ARID1B: variants seen among roughly 807,000 people sequenced by gnomAD.
ARID1B encodes the protein AT-rich interaction domain 1B, also known as AT-rich interactive domain-containing protein 1B.
In ARID1B, 30 loss-of-function variants were observed where a neutral mutation model predicts 212.3. The ratio of observed to expected loss-of-function variants is 0.14; its 90% confidence interval spans 0.11 to 0.19. The LOEUF is 0.19. Ranked by LOEUF, ARID1B falls within the 10% of genes least tolerant of loss-of-function variation. ARID1B has a pLI of 1.00. For synonymous variants in ARID1B, 1,402 were observed against 1,301.7 expected (o/e 1.08, Z -1.66); for missense variants, 2,891 against 3,204.0 (o/e 0.90, Z 2.36).
At chr6:157,087,628 T>G (rs560741673) in intron 5 of ARID1B, among the ~76,000 whole-genome samples, 2 of 152,328 alleles carry the variant, frequency 1.3e-5, no homozygotes, top group African/African-American at 4.8e-5. Flanking sequence ...TACAGTTGAT[T>G]TAGGCAGCAA....
chr6:156,913,492 C>T (rs965339679), intron 3 of ARID1B, among the ~76,000 whole-genome samples: 3 of 152,146 alleles, frequency 2.0e-5, no homozygotes, highest in Non-Finnish European at 2.9e-5. Flanking sequence ...TCTAGGATTA[C>T]AGGCATGAGC....
chr6:157,069,002 A>G (rs772624372), intron 4 of ARID1B, among the ~76,000 whole-genome samples: 1 of 152,350 alleles, frequency 6.6e-6, no homozygotes, highest in South Asian at 2.1e-4. Context: ...AATTCTGTGC[A>G]GTTCCTAACA....
chr6:157,172,308 A>G (rs1791765495), intron 9 of ARID1B, among the ~76,000 whole-genome samples: 1 of 152,228 alleles, frequency 6.6e-6, no homozygotes, highest in Non-Finnish European at 1.5e-5. Flanking sequence ...GGTTTCACAC[A>G]TTCACAAAAA....
At chr6:156,801,972 C>T (rs1228459560) in intron 1 of ARID1B, among the ~76,000 whole-genome samples, 4 of 152,154 alleles carry the variant, frequency 2.6e-5, no homozygotes, top group African/African-American at 4.8e-5. Context: ...GCAAATGAGG[C>T]GTGAAACAAA....
chr6:156,778,667 C>T lies in ARID1B; in HGVS notation c.987C>T (p.Gly329=), dbSNP rs2114981928. Residue 329 remains glycine (G), a synonymous_variant, in exon 1 of 20, where the codon GGC becomes GGT. Transcript: ENST00000636930. The part of the protein sequence containing the change: ...SAAPASGGPG[G]RAGPCFDQHG... ...CCCCTGCGAGCGGCGGCCCCGGCGGCCGCGCTGGGCCTTGCTTTGATCAAC... is the reference window on the plus strand; with the variant it reads ...CCCCTGCGAGCGGCGGCCCCGGCGGTCGCGCTGGGCCTTGCTTTGATCAAC... 2 of 1,487,254 alleles carry T rather than the reference C, an allele frequency of 1.3e-6. No individual in the cohort carries two copies. Among genetic ancestry groups the T allele is most frequent in the East Asian group, 2.8e-5 (1 of 35,338 alleles). 92.1% of individuals were successfully genotyped at this position (1,487,254 alleles called of 1,614,324 possible).
intron 2 of ARID1B, among the ~76,000 whole-genome samples, chr6:156,874,284 C>T (rs879901622): frequency 6.6e-6 from 1 of 152,152 alleles, no homozygotes; most frequent in Non-Finnish European, 1.5e-5. Context: ...AGGCTGCTGT[C>T]AAACTCCTGG....
At chr6:157,171,396 G>C (rs1791709646) in intron 9 of ARID1B, among the ~76,000 whole-genome samples, 1 of 152,196 alleles carries the variant, frequency 6.6e-6, no homozygotes, top group Non-Finnish European at 1.5e-5. Flanking sequence ...CCTTGTAATA[G>C]TCGTGGTCCT....
chr6:156,880,727 G>A (rs376678384), intron 2 of ARID1B, among the ~76,000 whole-genome samples: 21 of 122,642 alleles, frequency 1.7e-4, no homozygotes, highest in African/African-American at 5.7e-4. Flanking sequence ...GCCACGGAGC[G>A]AGACTCTGTC....
chr6:156,970,861 G>A (rs1401214905), intron 4 of ARID1B, among the ~76,000 whole-genome samples: 1 of 152,174 alleles, frequency 6.6e-6, no homozygotes, highest in African/African-American at 2.4e-5. Context: ...GCCTAGCTTT[G>A]CCAACCCTGG....
Position 157,203,669 on chromosome 6 carries a change from C to A in ARID1B, c.5264-197C>A. 1 of 703,742 alleles carries A rather than the reference C, an allele frequency of 1.4e-6. No individual in the cohort carries two copies. Among genetic ancestry groups the A allele is most frequent in the Non-Finnish European group, 2.4e-6 (1 of 421,942 alleles). 43.6% of individuals were successfully genotyped at this position (703,742 alleles called of 1,614,324 possible). On this transcript the variant is annotated intron_variant, in intron 18 of 19. Coordinates refer to ENST00000636930, the MANE Select transcript of ARID1B (RefSeq NM_001374828.1). This position sits in a 1 kb window ranked among gnomAD's most constrained non-coding sequence, Gnocchi z 4.4. ...GTGACCAACAAAGCGAGATCTGAAA[C>A]CACAAAAGTTTCTCGTTACAGCTAT...
intron 4 of ARID1B, among the ~76,000 whole-genome samples, chr6:156,967,889 T>C (rs1794882287): frequency 6.6e-6 from 1 of 152,244 alleles, no homozygotes; most frequent in Non-Finnish European, 1.5e-5. Context: ...AGCCCAGTTT[T>C]AAATTTTACT....
chr6:157,066,951 G>A (rs1161989527), intron 4 of ARID1B, among the ~76,000 whole-genome samples: 2 of 151,898 alleles, frequency 1.3e-5, no homozygotes, highest in African/African-American at 4.8e-5. Context: ...CACTGAAAAT[G>A]GGCTTTGAAG....
chr6:157,171,473 G>A (rs1216110384), intron 9 of ARID1B, among the ~76,000 whole-genome samples: 3 of 152,142 alleles, frequency 2.0e-5, no homozygotes, highest in East Asian at 1.9e-4. Context: ...CATATGGCTC[G>A]TTTCAGTGAT....
At chr6:157,058,972 G>A (rs1783155929) in intron 4 of ARID1B, among the ~76,000 whole-genome samples, 1 of 152,124 alleles carries the variant, frequency 6.6e-6, no homozygotes, top group Non-Finnish European at 1.5e-5. Context: ...GCGGATTTTG[G>A]TAGGAAAGAT....
chr6:156,947,408 A>T (rs970421050), intron 4 of ARID1B, among the ~76,000 whole-genome samples: 1 of 152,202 alleles, frequency 6.6e-6, no homozygotes, highest in Non-Finnish European at 1.5e-5. Context: ...CATAGTCTAC[A>T]AATTTAATGC....
chr6:156,818,098 A>ATTTTTTTTTTTTTTTTTTTTTT (rs71027317), intron 1 of ARID1B, among the ~76,000 whole-genome samples: 1 of 61,322 alleles, frequency 1.6e-5, no homozygotes, highest in African/African-American at 7.1e-5. Context: ...TAGTTGCCCT[A>ATTTTTTTTTTTTTTTTTTTTTT]TTTTTTTTTT....
In ARID1B at chr6:156,829,221, TCACAGGGCAGCCCA is replaced by T; in HGVS notation, c.1792-5_1800del. On this transcript the variant is annotated splice_acceptor_variant and splice_polypyrimidine_tract_variant and coding_sequence_variant and intron_variant, in exon 2 of 20. Transcript: ENST00000636930. LOFTEE classifies it high-confidence loss of function. ...TAATAAACCGACTTCTTTTATGTCTTCACAGGGCAGCCCAATGGATCCAATGGTGATGAAGAGAC... is the reference window on the plus strand; with the variant it reads ...TAATAAACCGACTTCTTTTATGTCTTATGGATCCAATGGTGATGAAGAGAC... 6.2e-7 allele frequency: 1 copy of T among 1,606,994 alleles called. No homozygotes were observed. Among genetic ancestry groups the T allele is most frequent in the Non-Finnish European group, 8.5e-7 (1 of 1,175,646 alleles).
At chr6:156,967,450 GT>G (rs1241689130) in intron 4 of ARID1B, among the ~76,000 whole-genome samples, 1 of 152,136 alleles carries the variant, frequency 6.6e-6, no homozygotes, top group Non-Finnish European at 1.5e-5. Context: ...TTGGAAATGG[GT>G]TTTTTTCCTC....
In ARID1B at chr6:157,198,880, C is replaced by G. The variant is rs56139133; in HGVS notation, c.4452C>G (p.His1484Gln). The G allele has an allele frequency of 1.2e-6, 2 of 1,607,936 alleles. No homozygotes were observed. The highest frequency in any genetic ancestry group is 1.7e-6 in the Non-Finnish European group (2 of 1,177,312). Reference protein sequence around the residue: ...PPSGQPPYGGHQPGLYPQQPN... With the variant: ...PPSGQPPYGGQQPGLYPQQPN... The stretch of plus-strand genomic sequence containing the variant: ...CGGGACAGCCGCCGTATGGAGGGCA[C>G]CAGCCCGGCCTGTACCCACAGCAGC... Residue 1484 changes from histidine (H) to glutamine (Q), a missense_variant, in exon 17 of 20, where the codon CAC becomes CAG. His to Gln is a conservative substitution (Grantham distance 24). Coordinates refer to ENST00000636930, the MANE Select transcript of ARID1B (RefSeq NM_001374828.1).
Sources: gnomAD v4.1 joint callset for allele counts (sites outside exome capture counted in the v4.1 genomes callset) on GRCh38, gnomAD v4.1.1 for gene constraint, Gnocchi (gnomAD v3.1) non-coding constraint, MANE v1.5 for transcripts, NCBI Gene and HGNC (gene_info 2026-07-23, HGNC 2026-07-21) for gene names.